The following MICAL3 variants were observed in gnomAD, a reference collection of about 807,000 sequenced individuals.
The protein encoded by MICAL3 is [F-actin]-monooxygenase MICAL3.
MICAL3 carries 62 observed loss-of-function variants against 207.4 expected under a neutral mutation model. That is an observed-to-expected ratio of 0.30 (90% CI 0.24 to 0.37). The LOEUF is 0.37. MICAL3 is among the 10% of genes least tolerant of loss of function. The pLI, the probability that MICAL3 is intolerant of heterozygous loss-of-function variation, is 1.00. For missense variants in MICAL3, 2,368 were observed against 2,635.6 expected, an observed-to-expected ratio of 0.90 and a Z score of 2.22; for synonymous variants, 1,077 against 1,069.3, an observed-to-expected ratio of 1.01 and a Z score of -0.14.
chr22:17,997,218 C>G (rs539217384), intron 1 of MICAL3, among the ~76,000 whole-genome samples: 2 of 152,030 alleles, frequency 1.3e-5, no homozygotes, highest in African/African-American at 4.8e-5. Flanking sequence ...TACACACCAC[C>G]ACGCCCAGCT....
intron 1 of MICAL3, among the ~76,000 whole-genome samples, chr22:17,951,866 T>A (rs538798657): frequency 1.3e-5 from 2 of 151,982 alleles, no homozygotes; most frequent in South Asian, 4.2e-4. Context: ...CCGGTTAATT[T>A]TTGTATTTTC....
intron 17 of MICAL3, among the ~76,000 whole-genome samples, chr22:17,868,252 T>A (rs1378843775): frequency 6.6e-6 from 1 of 151,964 alleles, no homozygotes; most frequent in Non-Finnish European, 1.5e-5. Flanking sequence ...GTGGCACAAG[T>A]CACGTGTACG....
At chr22:17,854,644 C>T (rs988101734) in intron 19 of MICAL3, among the ~76,000 whole-genome samples, 7 of 152,178 alleles carry the variant, frequency 4.6e-5, no homozygotes, top group African/African-American at 1.7e-4. Flanking sequence ...CTGCATGAGC[C>T]GCCTGAACTT....
chr22:17,947,497 G>A (rs895588076), intron 1 of MICAL3, among the ~76,000 whole-genome samples: 1 of 152,102 alleles, frequency 6.6e-6, no homozygotes, highest in East Asian at 1.9e-4. Flanking sequence ...TGCTCATTCT[G>A]GTTTTGCATC....
intron 13 of MICAL3, 67 bp downstream of exon 13, chr22:17,888,967 G>T: frequency 8.7e-7 from 1 of 1,154,026 alleles, no homozygotes; most frequent in Non-Finnish European, 1.2e-6. Flanking sequence ...CAGTCGGAAG[G>T]AAGGAAGAAC....
intron 16 of MICAL3, among the ~76,000 whole-genome samples, chr22:17,877,179 AGGG>A (rs1928701607): frequency 8.4e-6 from 1 of 119,284 alleles, no homozygotes; most frequent in Admixed American, 8.0e-5. Flanking sequence ...TAGGGAGGTT[AGGG>A]AAGTTATGGA....
chr22:17,945,254 G>A (rs1341985242), intron 1 of MICAL3, among the ~76,000 whole-genome samples: 2 of 152,076 alleles, frequency 1.3e-5, no homozygotes, highest in Non-Finnish European at 2.9e-5. Flanking sequence ...CAGCCTAGCC[G>A]GTGGTGGTGT....
Position 17,896,824 on chromosome 22 carries a change from A to G in MICAL3, c.1106T>C (p.Phe369Ser). The change falls in exon 8 of 32, where the codon TTT becomes TCT. Residue 369 changes from phenylalanine (F) to serine (S), a missense_variant. Coordinates refer to ENST00000441493, the MANE Select transcript of MICAL3 (RefSeq NM_015241.3). Reference sequence around the variant, plus strand: ...GGAGGCATACATACAAGTGAAGTCAAACATGGCCACATCGGGCTGCCCATA... The same window carrying G: ...GGAGGCATACATACAAGTGAAGTCAGACATGGCCACATCGGGCTGCCCATA... ...NHYGQPDVAM[F>S]DFTCMYASEN... 1 of 1,614,132 alleles carries G rather than the reference A, an allele frequency of 6.2e-7. No individual in the cohort carries two copies. The highest frequency in any genetic ancestry group is 1.1e-5 in the South Asian group (1 of 91,090).
chr22:17,937,413 C>T (rs189190258), intron 1 of MICAL3, among the ~76,000 whole-genome samples: 6 of 152,176 alleles, frequency 3.9e-5, no homozygotes, highest in South Asian at 4.2e-4. Flanking sequence ...CCTGTAATCC[C>T]GGCACTTTGG....
chr22:17,967,486 A>ACACACACACACC (rs147100307), intron 1 of MICAL3, among the ~76,000 whole-genome samples: 1,517 of 145,664 alleles, frequency 0.01, 23 homozygotes, highest in African/African-American at 0.033. Flanking sequence ...ACACACACAC[A>ACACACACACACC]CACACACCCA....
At chr22:17,832,470 A>C (rs1922907279) in intron 20 of MICAL3, among the ~76,000 whole-genome samples, 1 of 152,182 alleles carries the variant, frequency 6.6e-6, no homozygotes, top group Admixed American at 6.5e-5. Context: ...CACGGAGCCC[A>C]TGGAAGTTCC....
chr22:17,858,389 G>A (rs986085669), intron 19 of MICAL3: 16 of 809,144 alleles, frequency 2.0e-5, no homozygotes, highest in Non-Finnish European at 2.2e-5. Flanking sequence ...TTGGCTGGGT[G>A]AGCTGCAAGG....
chr22:17,800,920 C>A (rs1408875853), intron 29 of MICAL3, among the ~76,000 whole-genome samples: 1 of 152,172 alleles, frequency 6.6e-6, no homozygotes, highest in Non-Finnish European at 1.5e-5. Context: ...TCCTCACGGG[C>A]GTGGCGAGAA....
chr22:17,987,101 C>T (rs924690862), intron 1 of MICAL3, among the ~76,000 whole-genome samples: 5 of 151,928 alleles, frequency 3.3e-5, no homozygotes, highest in African/African-American at 1.2e-4. Context: ...ATTGTCCAGG[C>T]ATAGGGGTGC....
chr22:17,827,455 G>C (rs927819008), intron 22 of MICAL3, among the ~76,000 whole-genome samples, 189 bp downstream of exon 22: 11 of 152,214 alleles, frequency 7.2e-5, no homozygotes, highest in Non-Finnish European at 7.3e-5. Flanking sequence ...TTAATCCACA[G>C]AGAACTTCAC....
rs200299888 is a variant in MICAL3, at chr22:17,818,188, G to A, written c.4473C>T (p.Pro1491=). 851 of 1,568,656 alleles carry A rather than the reference G, an allele frequency of 5.4e-4. 3 individuals are homozygous for A. In the East Asian group the frequency reaches 5.5e-3, roughly 10 times the overall value. Residue 1491 remains proline (P), a synonymous_variant, in exon 26 of 32, where the codon CCC becomes CCT. Transcript: ENST00000441493. ...PNASVVPPPL[P]ATWMRPPREP... ...CCCGGGGGGGCCGCATCCAGGTGGCGGGCAAGGGCGGCGGGACCACCGAGG... is the reference window on the plus strand; with the variant it reads ...CCCGGGGGGGCCGCATCCAGGTGGCAGGCAAGGGCGGCGGGACCACCGAGG...
chr22:17,973,357 T>A (rs796440779), intron 1 of MICAL3, among the ~76,000 whole-genome samples: 19 of 152,346 alleles, frequency 1.2e-4, no homozygotes, highest in African/African-American at 4.3e-4. Flanking sequence ...GTCTGAAATC[T>A]GATAAGAGAC....
intron 24 of MICAL3, 83 bp from the exon 25 acceptor site, chr22:17,821,592 G>C (rs1569080398): frequency 8.7e-7 from 1 of 1,151,330 alleles, no homozygotes; most frequent in Admixed American, 2.8e-5. Flanking sequence ...GCCCCAGAGG[G>C]TGGAGGGGAG....
chr22:17,819,540 G>A (rs543712531), intron 25 of MICAL3, among the ~76,000 whole-genome samples: 5 of 152,196 alleles, frequency 3.3e-5, no homozygotes, highest in Non-Finnish European at 5.9e-5. Flanking sequence ...TATTTATCAC[G>A]GTGCATTATG....
Sources: allele counts gnomAD v4.1 joint callset (sites outside exome capture counted in the v4.1 genomes callset), GRCh38; gene constraint gnomAD v4.1.1; transcripts MANE v1.5; gene names NCBI Gene and HGNC (gene_info 2026-07-23, HGNC 2026-07-21).